SLCO1A2: variants seen among roughly 807,000 people sequenced by gnomAD.
The protein encoded by SLCO1A2 is OATP-1.
Under a neutral mutation model 69.0 loss-of-function variants are expected in SLCO1A2, and 67 were observed. The observed-to-expected ratio is 0.97, with a 90% CI of 0.80 to 1.19. SLCO1A2 has a LOEUF of 1.19. Ranked by LOEUF, SLCO1A2 falls within the 50% of genes most tolerant of loss-of-function variation. SLCO1A2 has a pLI of 0.00. For missense variants in SLCO1A2, 787 were observed against 793.7 expected (o/e 0.99, Z 0.10); for synonymous variants, 260 against 265.9 (o/e 0.98, Z 0.22).
intron 9 of SLCO1A2, 82 bp from the exon 10 acceptor site, chr12:21,295,874 A>G: frequency 1.4e-6 from 1 of 738,956 alleles, no homozygotes; most frequent in Non-Finnish European, 2.2e-6. Flanking sequence ...AATATGCCTT[A>G]TATAAGTAAC....
At chr12:21,302,020 C>T (rs970432477) in intron 6 of SLCO1A2, among the ~76,000 whole-genome samples, 10 of 152,092 alleles carry the variant, frequency 6.6e-5, no homozygotes, top group African/African-American at 2.2e-4. Flanking sequence ...GAGAACCCGC[C>T]CTATACACAC....
At chr12:21,368,436 C>A (rs1029867569) in intron 2 of SLCO1A2, among the ~76,000 whole-genome samples, 1 of 151,382 alleles carries the variant, frequency 6.6e-6, no homozygotes, top group African/African-American at 2.4e-5. Flanking sequence ...CAAATGCAAT[C>A]TTGTTTAGAT....
intron 2 of SLCO1A2, among the ~76,000 whole-genome samples, chr12:21,325,209 A>C (rs11836945): frequency 0.056 from 8,556 of 152,220 alleles, 774 homozygotes; most frequent in African/African-American, 0.19. Context: ...GTGTCCAATT[A>C]ACATTCCTCA....
At chr12:21,299,301 A>C (rs1026826789) in intron 8 of SLCO1A2, among the ~76,000 whole-genome samples, 1 of 152,112 alleles carries the variant, frequency 6.6e-6, no homozygotes, top group Admixed American at 6.6e-5. Context: ...TACTTAGGCT[A>C]TCTTAGTTTA....
chr12:21,274,475 G>T lies in SLCO1A2; in HGVS notation c.1787C>A (p.Thr596Asn). The T allele has an allele frequency of 1.3e-6, 2 of 1,592,276 alleles. No individual in the cohort carries two copies. The highest frequency in any genetic ancestry group is 1.7e-6 in the Non-Finnish European group (2 of 1,160,324). ...SGACRIYDST[T>N]FRYIYLGLPA... The stretch of plus-strand genomic sequence containing the variant: ...AACAAATTATTATCTTTACCTGAAG[G>T]TGGTGGAATCATATATCCTGCATGC... Residue 596 changes from threonine (T) to asparagine (N), a missense_variant, in exon 14 of 15, where the codon ACC (threonine) becomes AAC (asparagine). Thr to Asn is a moderately conservative substitution (Grantham distance 65). Coordinates refer to ENST00000683939, the MANE Select transcript of SLCO1A2 (RefSeq NM_001386879.1).
At chr12:21,412,985 T>A (rs897860005) in intron 1 of SLCO1A2, among the ~76,000 whole-genome samples, 3 of 152,176 alleles carry the variant, frequency 2.0e-5, no homozygotes, top group African/African-American at 7.2e-5. Flanking sequence ...ATGTGTAGAA[T>A]GCCTAGACGA....
chr12:21,375,751 A>C (rs567934218), intron 1 of SLCO1A2, among the ~76,000 whole-genome samples: 1 of 152,352 alleles, frequency 6.6e-6, no homozygotes, highest in African/African-American at 2.4e-5. Flanking sequence ...ACAATTTAAA[A>C]GAGAGGCAAT....
intron 5 of SLCO1A2, among the ~76,000 whole-genome samples, chr12:21,306,030 A>G (rs767516826): frequency 1.8e-4 from 28 of 152,242 alleles, no homozygotes; most frequent in Non-Finnish European, 3.4e-4. Flanking sequence ...TGAAAGAAGC[A>G]CTGCTATTGT....
upstream of SLCO1A2, among the ~76,000 whole-genome samples, chr12:21,397,113 G>C (rs889034899): frequency 1.3e-5 from 2 of 152,128 alleles, no homozygotes; most frequent in Non-Finnish European, 2.9e-5. Context: ...TCAGTGTGCA[G>C]TATTCGGGAG....
At chr12:21,294,868 T>C (rs1395284619) in intron 10 of SLCO1A2, 1 of 152,164 alleles carries the variant, frequency 6.6e-6, no homozygotes, top group Non-Finnish European at 1.5e-5. Flanking sequence ...TCAAATCAAA[T>C]AGCATATGTA....
intron 12 of SLCO1A2, among the ~76,000 whole-genome samples, chr12:21,289,718 C>A (rs58672932): frequency 0.011 from 1,681 of 151,508 alleles, 31 homozygotes; most frequent in African/African-American, 0.039. Context: ...GAGGCATCAA[C>A]CTTAATGCAT....
intron 1 of SLCO1A2, among the ~76,000 whole-genome samples, chr12:21,392,990 C>T (rs915636608): frequency 4.0e-5 from 6 of 151,338 alleles, no homozygotes; most frequent in African/African-American, 1.5e-4. Flanking sequence ...CTCACCTATT[C>T]TAAATCTTAC....
intron 14 of SLCO1A2, among the ~76,000 whole-genome samples, chr12:21,273,124 C>T (rs554826028): frequency 6.0e-4 from 92 of 152,232 alleles, no homozygotes; most frequent in African/African-American, 2.1e-3. Flanking sequence ...AGAGGGAGAA[C>T]CCAGGTAAAC....
intron 2 of SLCO1A2, among the ~76,000 whole-genome samples, chr12:21,321,742 C>T (rs1039619745): frequency 1.3e-5 from 2 of 152,156 alleles, no homozygotes; most frequent in Admixed American, 6.5e-5. Context: ...ATAATTCATT[C>T]TCAAGACTCA....
chr12:21,324,606 T>G (rs1244102502), intron 2 of SLCO1A2: 1 of 152,222 alleles, frequency 6.6e-6, no homozygotes, highest in African/African-American at 2.4e-5. Flanking sequence ...TTTCCAAATT[T>G]GGGAGAACTT....
At chr12:21,312,917 A>AAT (rs971724058) in intron 4 of SLCO1A2, among the ~76,000 whole-genome samples, 7 of 151,664 alleles carry the variant, frequency 4.6e-5, no homozygotes, top group Admixed American at 2.0e-4. Flanking sequence ...CTACCAAAAA[A>AAT]ATATATATAT....
chr12:21,405,947 C>G (rs1941817039), intron 1 of SLCO1A2, among the ~76,000 whole-genome samples: 1 of 152,152 alleles, frequency 6.6e-6, no homozygotes, highest in South Asian at 2.1e-4. Context: ...CAAAGAGTTG[C>G]TGATGTTGTT....
At chr12:21,418,995 G>A (rs191392649), upstream of SLCO1A2, among the ~76,000 whole-genome samples, 1 of 152,256 alleles carries the variant, frequency 6.6e-6, no homozygotes, top group East Asian at 1.9e-4. Flanking sequence ...GCTCTGGGAA[G>A]ATGAAATAGA....
At chr12:21,368,469 A>T (rs1467804477) in intron 2 of SLCO1A2, among the ~76,000 whole-genome samples, 1 of 130,138 alleles carries the variant, frequency 7.7e-6, no homozygotes, top group Non-Finnish European at 1.6e-5. Context: ...AAACCAGTTA[A>T]ATTTTTTTTT....
Sources: gnomAD v4.1 joint callset for allele counts (sites outside exome capture counted in the v4.1 genomes callset) on GRCh38, gnomAD v4.1.1 for gene constraint, MANE v1.5 for transcripts, NCBI Gene and HGNC (gene_info 2026-07-23, HGNC 2026-07-21) for gene names.